The following TNIK variants were observed in gnomAD, a reference collection of about 807,000 sequenced individuals.
TNIK encodes the protein TRAF2 and NCK interacting kinase.
In TNIK, 49 loss-of-function variants were observed where a neutral mutation model predicts 191.3. That is an observed-to-expected ratio of 0.26 (90% confidence interval 0.20 to 0.32). TNIK has a LOEUF of 0.32. Among genes scored for constraint, TNIK ranks in the 10% least tolerant of loss-of-function variants. The pLI is 1.00. For synonymous variants in TNIK, 594 were observed against 600.9 expected (o/e 0.99, Z 0.17); for missense variants, 1,155 against 1,702.3 (o/e 0.68, Z 5.66).
chr3:171,183,649 C>G (rs1736963711), intron 7 of TNIK, among the ~76,000 whole-genome samples: 2 of 152,002 alleles, frequency 1.3e-5, no homozygotes, highest in Non-Finnish European at 2.9e-5. Flanking sequence ...CCCACCGGGT[C>G]CAGTGGCTCA....
chr3:171,096,394 C>T (rs1722723418), intron 22 of TNIK, among the ~76,000 whole-genome samples: 1 of 152,108 alleles, frequency 6.6e-6, no homozygotes, highest in Admixed American at 6.5e-5. Context: ...TTCAGTAGCT[C>T]CCTGTCAACC....
At chr3:171,111,997 A>G (rs903801601) in intron 18 of TNIK, among the ~76,000 whole-genome samples, 1 of 152,222 alleles carries the variant, frequency 6.6e-6, no homozygotes, top group African/African-American at 2.4e-5. Context: ...AATCTACTGT[A>G]CACCATGGTG....
chr3:171,333,592 A>G (rs1310644803), intron 2 of TNIK, among the ~76,000 whole-genome samples: 1 of 151,704 alleles, frequency 6.6e-6, no homozygotes, highest in African/African-American at 2.4e-5. Context: ...AAGAAAAAAA[A>G]AAAAAAAAAA....
At chr3:171,246,230 C>T (rs1745577151) in intron 2 of TNIK, among the ~76,000 whole-genome samples, 1 of 151,868 alleles carries the variant, frequency 6.6e-6, no homozygotes, top group Non-Finnish European at 1.5e-5. Context: ...ACTAAGATGG[C>T]TCCACAACCA....
intron 1 of TNIK, among the ~76,000 whole-genome samples, chr3:171,411,076 T>G (rs116814893): frequency 0.15 from 23,387 of 151,634 alleles, 1,992 homozygotes; most frequent in South Asian, 0.3. Context: ...CTTTTTTTTT[T>G]TTTTTTTAGA....
chr3:171,419,200 A>G (rs1255360726), intron 1 of TNIK, among the ~76,000 whole-genome samples: 1 of 152,236 alleles, frequency 6.6e-6, no homozygotes, highest in Non-Finnish European at 1.5e-5. Flanking sequence ...ATAACATGTA[A>G]CAACGTGGAC....
intron 16 of TNIK, among the ~76,000 whole-genome samples, chr3:171,127,344 T>C (rs546483519): frequency 3.3e-5 from 5 of 151,862 alleles, no homozygotes; most frequent in South Asian, 4.2e-4. Flanking sequence ...ATGTTAAATA[T>C]CATTAAATAA....
chr3:171,106,772 G>A (rs535583164), intron 21 of TNIK: 1 of 533,834 alleles, frequency 1.9e-6, no homozygotes, highest in South Asian at 1.4e-5. Flanking sequence ...CTAACTCCTT[G>A]TTCACAAATC....
At chr3:171,400,382 T>C (rs1387049571) in intron 1 of TNIK, among the ~76,000 whole-genome samples, 2 of 151,944 alleles carry the variant, frequency 1.3e-5, no homozygotes, top group East Asian at 3.9e-4. Flanking sequence ...CGAGGCAGCA[T>C]AGTGAGACCT....
rs78837161 is a variant in TNIK, at chr3:171,074,401, C to T, written c.3449-3078G>A. 8.0e-3 allele frequency among the ~76,000 whole-genome samples: 1,221 copies of T among 152,074 alleles called. 26 individuals are homozygous for T. The highest frequency in any genetic ancestry group is 0.028 in the African/African-American group (1,162 of 41,464). On this transcript the variant is annotated intron_variant, in intron 28 of 32. Transcript: ENST00000436636. Reference sequence around the variant, plus strand: ...TTAAGGGCTGAAAATTTACCTGTTGCGTATAATGTTCGCAATTTGGCTGAT... The same window carrying T: ...TTAAGGGCTGAAAATTTACCTGTTGTGTATAATGTTCGCAATTTGGCTGAT...
chr3:171,353,157 G>GA (rs1713468411), intron 2 of TNIK, among the ~76,000 whole-genome samples: 1 of 152,160 alleles, frequency 6.6e-6, no homozygotes, highest in African/African-American at 2.4e-5. Flanking sequence ...CTAAGAACTA[G>GA]AAATAGTAGT....
chr3:171,364,046 A>C (rs1715353086), intron 2 of TNIK, among the ~76,000 whole-genome samples: 1 of 152,246 alleles, frequency 6.6e-6, no homozygotes, highest in African/African-American at 2.4e-5. Context: ...ATAACAGGAT[A>C]ACATACAATC....
At chr3:171,457,011 G>T (rs1384910231) in intron 1 of TNIK, among the ~76,000 whole-genome samples, 1 of 152,198 alleles carries the variant, frequency 6.6e-6, no homozygotes, top group Non-Finnish European at 1.5e-5. Context: ...AATGAAAGGA[G>T]TGGCTGAGTG....
intron 1 of TNIK, among the ~76,000 whole-genome samples, chr3:171,393,827 G>T (rs1465612131): frequency 1.3e-5 from 2 of 152,074 alleles, no homozygotes; most frequent in Non-Finnish European, 2.9e-5. Context: ...AATCTACACA[G>T]GACACGGACA....
At chr3:171,357,130 T>C (rs1037634559) in intron 2 of TNIK, among the ~76,000 whole-genome samples, 11 of 152,220 alleles carry the variant, frequency 7.2e-5, no homozygotes, top group Admixed American at 5.2e-4. Context: ...TCATATTAGA[T>C]GGTAGGCGGA....
chr3:171,148,612 T>G (rs1435250761), intron 12 of TNIK, among the ~76,000 whole-genome samples: 2 of 152,174 alleles, frequency 1.3e-5, no homozygotes, highest in Non-Finnish European at 2.9e-5. Context: ...ACCAGTTTAT[T>G]AATACAGTAT....
At position 171,063,723 on chromosome 3, in the gene TNIK, T is replaced by C. The variant is rs1718074346; in HGVS notation, c.*158A>G. On this transcript the variant is annotated 3_prime_UTR_variant, in exon 33 of 33. Coordinates refer to ENST00000436636, the MANE Select transcript of TNIK (RefSeq NM_015028.4). ...TCAACCAGGCTGCAACATTGAAAGA[T>C]GGACTGTACTGGGAGGGGCGGAGGG... is the stretch of plus-strand genomic sequence containing the variant. 1 of 592,738 alleles carries C rather than the reference T, an allele frequency of 1.7e-6. No homozygotes were observed. Among genetic ancestry groups the C allele is most frequent in the African/African-American group, 1.9e-5 (1 of 51,532 alleles). The allele number at this position is 592,738 out of a possible 1,614,324, so 36.7% of individuals were successfully genotyped here. A position where few individuals can be genotyped will look rare whatever the true frequency, so the allele number is the denominator to read the frequency against.
rs1380464938 is a variant in TNIK at position 171,068,970 on chromosome 3, G to A, written c.3577C>T (p.Leu1193=). 1 of 1,613,462 alleles carries A rather than the reference G, an allele frequency of 6.2e-7. No individual in the cohort carries two copies. Among genetic ancestry groups the A allele is most frequent in the South Asian group, 1.1e-5 (1 of 90,910 alleles). ...KSFADLQHKP[L]LVDLTVEEGQ... is the part of the protein sequence containing the mutation. ...TCTTCTACCGTGAGATCAACTAGCAGAGGCTTGTGCTGGAGATCTGCAAAA... is the reference window on the plus strand; with the variant it reads ...TCTTCTACCGTGAGATCAACTAGCAAAGGCTTGTGCTGGAGATCTGCAAAA... Residue 1193 remains leucine, a synonymous_variant, in exon 30 of 33, where the codon CTG becomes TTG. Coordinates refer to ENST00000436636, the MANE Select transcript of TNIK (RefSeq NM_015028.4).
At chr3:171,432,338 A>G (rs996112127) in intron 1 of TNIK, among the ~76,000 whole-genome samples, 4 of 152,216 alleles carry the variant, frequency 2.6e-5, no homozygotes, top group African/African-American at 4.8e-5. Context: ...AGAGATCCAA[A>G]CTAAGTAGGA....
Sources: allele counts gnomAD v4.1 joint callset (sites outside exome capture counted in the v4.1 genomes callset), GRCh38; gene constraint gnomAD v4.1.1; transcripts MANE v1.5; gene names NCBI Gene and HGNC (gene_info 2026-07-23, HGNC 2026-07-21).